INVS: variants seen among roughly 807,000 people sequenced by gnomAD.
INVS encodes the protein inversin.
INVS carries 86 observed loss-of-function variants against 108.8 expected under a neutral mutation model. The ratio of observed to expected loss-of-function variants is 0.79; its 90% CI spans 0.66 to 0.95. The LOEUF is 0.95. INVS is among the 40% of genes least tolerant of loss of function. The pLI, the probability that INVS is intolerant of heterozygous loss-of-function variation, is 0.00. For missense variants in INVS, 1,169 were observed against 1,297.4 expected, an observed-to-expected ratio of 0.90 and a Z score of 1.52; for synonymous variants, 455 against 473.5, an observed-to-expected ratio of 0.96 and a Z score of 0.51.
intron 11 of INVS, among the ~76,000 whole-genome samples, chr9:100,270,551 C>G (rs1453434793): frequency 6.6e-6 from 1 of 151,758 alleles, no homozygotes; most frequent in Non-Finnish European, 1.5e-5. Context: ...TCGAGACCAG[C>G]CTGACCAATA....
At chr9:100,136,290 A>C (rs1251835783) in intron 3 of INVS, among the ~76,000 whole-genome samples, 1 of 152,130 alleles carries the variant, frequency 6.6e-6, no homozygotes, top group Non-Finnish European at 1.5e-5. Flanking sequence ...TGGTGGGAAA[A>C]TTTTTAATAA....
intron 3 of INVS, among the ~76,000 whole-genome samples, chr9:100,207,975 A>G (rs1564158753): frequency 7.6e-6 from 1 of 131,528 alleles, no homozygotes; most frequent in Non-Finnish European, 1.8e-5. Context: ...TAGTTAGATT[A>G]CAGTTAAAAC....
At chr9:100,161,383 A>AAAAAAAC (rs1829179644) in intron 3 of INVS, among the ~76,000 whole-genome samples, 2 of 151,336 alleles carry the variant, frequency 1.3e-5, no homozygotes, top group Admixed American at 6.6e-5. Flanking sequence ...AAAAAAAAAA[A>AAAAAAAC]AAAAAAAAAC....
At chr9:100,220,641 T>TA (rs1218972140) in intron 3 of INVS, among the ~76,000 whole-genome samples, 1 of 152,168 alleles carries the variant, frequency 6.6e-6, no homozygotes, top group Non-Finnish European at 1.5e-5. Flanking sequence ...AAGCAGACCC[T>TA]AAAACAAACC....
chr9:100,161,153 ATC>A (rs934071755), intron 3 of INVS, among the ~76,000 whole-genome samples: 1 of 151,548 alleles, frequency 6.6e-6, no homozygotes, highest in Non-Finnish European at 1.5e-5. Flanking sequence ...AGTTGGGGGG[ATC>A]ACCTGCAATA....
chr9:100,109,840 T>C (rs150740371), intron 2 of INVS, among the ~76,000 whole-genome samples: 2 of 152,308 alleles, frequency 1.3e-5, no homozygotes, highest in Admixed American at 6.5e-5. Flanking sequence ...TAATTTGTTG[T>C]ATTTTTAGTA....
chr9:100,229,638 C>A (rs7044179), intron 4 of INVS, 22 bp from the exon 5 acceptor site: 1 of 1,612,076 alleles, frequency 6.2e-7, no homozygotes, highest in South Asian at 1.1e-5. Context: ...GTTGTTATTT[C>A]GAGAACCTCT....
At chr9:100,284,940 T>A (rs908513616) in intron 13 of INVS, among the ~76,000 whole-genome samples, 1 of 152,246 alleles carries the variant, frequency 6.6e-6, no homozygotes, top group African/African-American at 2.4e-5. Flanking sequence ...GTTATAAATT[T>A]TGTTTCAATC....
intron 2 of INVS, among the ~76,000 whole-genome samples, chr9:100,112,019 A>C (rs895822204): frequency 6.6e-6 from 1 of 151,852 alleles, no homozygotes; most frequent in African/African-American, 2.4e-5. Context: ...ACAGAGTCTC[A>C]CTCTGTCACC....
At chr9:100,172,612 G>A (rs1297460874) in intron 3 of INVS, among the ~76,000 whole-genome samples, 2 of 152,182 alleles carry the variant, frequency 1.3e-5, no homozygotes, top group African/African-American at 2.4e-5. Context: ...AGAGAAGCTG[G>A]TTACAGAGGT....
rs74469305 is a variant in INVS at position 100,243,487 on chromosome 9, G to A, written c.906+808G>A. Among the ~76,000 whole-genome samples, 712 of 152,186 alleles carry A rather than the reference G, an allele frequency of 4.7e-3. 7 individuals carry two copies. The highest frequency in any genetic ancestry group is 0.016 in the African/African-American group (670 of 41,530). ...ATTATACGTCTGAGAATGCAAAAACGAATTATTTCCAAAAATACTGAATAG... is the reference window on the plus strand; with the variant it reads ...ATTATACGTCTGAGAATGCAAAAACAAATTATTTCCAAAAATACTGAATAG... On this transcript the variant is annotated intron_variant, in intron 7 of 16. Coordinates refer to ENST00000262457, the MANE Select transcript of INVS (RefSeq NM_014425.5).
At chr9:100,225,109 G>A (rs1157227570) in intron 3 of INVS, among the ~76,000 whole-genome samples, 4 of 150,822 alleles carry the variant, frequency 2.7e-5, no homozygotes, top group Non-Finnish European at 5.9e-5. Context: ...CCAGCCTGGA[G>A]TGCAGTGGCA....
chr9:100,206,022 A>G (rs1830666318), intron 3 of INVS, among the ~76,000 whole-genome samples: 1 of 152,114 alleles, frequency 6.6e-6, no homozygotes, highest in Non-Finnish European at 1.5e-5. Flanking sequence ...TTTTTCTATT[A>G]TAGGATATAA....
chr9:100,235,811 A>G (rs1831671534), intron 5 of INVS, among the ~76,000 whole-genome samples: 1 of 151,768 alleles, frequency 6.6e-6, no homozygotes, highest in Non-Finnish European at 1.5e-5. Context: ...TTTTTTCTTC[A>G]TTTGAACCTT....
rs759967028 is a variant in INVS at position 100,292,414 on chromosome 9, T to C, written c.2157T>C (p.Val719=). 1.9e-6 allele frequency: 3 copies of C among 1,614,020 alleles called. No homozygotes were observed. Among genetic ancestry groups the C allele is most frequent in the African/African-American group, 1.3e-5 (1 of 74,902 alleles). Residue 719 remains valine (V), a synonymous_variant, in exon 14 of 17, where the codon GTT becomes GTC. Transcript: ENST00000262457. ...EGSDGSRHPG[V]PSVEKSRGET... ...GTGATGGAAGCAGGCATCCAGGAGTTCCCTCTGTTGAGAAGTCCAGAGGTG... is the reference window on the plus strand; with the variant it reads ...GTGATGGAAGCAGGCATCCAGGAGTCCCCTCTGTTGAGAAGTCCAGAGGTG...
At chr9:100,215,150 T>G (rs962323343) in intron 3 of INVS, 4 of 152,246 alleles carry the variant, frequency 2.6e-5, no homozygotes, top group Admixed American at 2.6e-4. Context: ...ATGGTCATTA[T>G]GGATATTTAT....
chr9:100,299,635 G>GATACAC (rs1833900784), intron 16 of INVS, among the ~76,000 whole-genome samples: 3 of 132,258 alleles, frequency 2.3e-5, no homozygotes. Flanking sequence ...GCCTTTTATT[G>GATACAC]ACACACACAC....
intron 3 of INVS, among the ~76,000 whole-genome samples, chr9:100,181,824 A>C (rs1335112738): frequency 6.6e-6 from 1 of 152,164 alleles, no homozygotes; most frequent in Non-Finnish European, 1.5e-5. Context: ...CCTAAGCAAA[A>C]AGAACAAAGC....
At chr9:100,201,235 A>G (rs1345980180) in intron 3 of INVS, among the ~76,000 whole-genome samples, 1 of 152,242 alleles carries the variant, frequency 6.6e-6, no homozygotes, top group African/African-American at 2.4e-5. Flanking sequence ...GTCACACCTG[A>G]GGAAACTTGA....
Sources: allele counts gnomAD v4.1 joint callset (sites outside exome capture counted in the v4.1 genomes callset), GRCh38; gene constraint gnomAD v4.1.1; transcripts MANE v1.5; gene names NCBI Gene and HGNC (gene_info 2026-07-23, HGNC 2026-07-21).